Variants in SOCS1 observed in about 807,000 individuals in gnomAD.
SOCS1 encodes the protein suppressor of cytokine signaling 1.
In SOCS1, 3 loss-of-function variants were observed where a neutral mutation model predicts 9.7. The ratio of observed to expected loss-of-function variants is 0.31; its 90% CI spans 0.14 to 0.80. The LOEUF is 0.80. Ranked by LOEUF, SOCS1 falls within the 30% of genes least tolerant of loss-of-function variation. The pLI is 0.61. For synonymous variants in SOCS1, 194 were observed against 150.2 expected, an observed-to-expected ratio of 1.29 and a Z score of -2.13; for missense variants, 368 against 324.7, an observed-to-expected ratio of 1.13 and a Z score of -1.02.
chr16:11,254,724 C>G lies in SOCS1; in HGVS notation c.*119G>C, dbSNP rs568420700. The G allele has an allele frequency of 7.5e-7, 1 of 1,339,062 alleles. No homozygotes were observed. The highest frequency in any genetic ancestry group is 4.0e-5 in the Admixed American group (1 of 24,800). 82.9% of individuals were successfully genotyped at this position (1,339,062 alleles called of 1,614,324 possible). ...GCCGAGGGCGGGAGGCGCCTCGCCCCTACACCCATCCGCTCCCTCCAACCC... is the reference window on the plus strand; with the variant it reads ...GCCGAGGGCGGGAGGCGCCTCGCCCGTACACCCATCCGCTCCCTCCAACCC... On this transcript the variant is annotated 3_prime_UTR_variant, in exon 2 of 2. Transcript: ENST00000332029.
rs1597690752 is a variant in SOCS1 at position 11,254,591 on chromosome 16, G to C, written c.*252C>G. ...GTAGGAGGTGCGAGTTCAGGTCCTGGCTCCAGATACAGTTAAGCTGCTACA... is the reference window on the plus strand; with the variant it reads ...GTAGGAGGTGCGAGTTCAGGTCCTGCCTCCAGATACAGTTAAGCTGCTACA... On this transcript the variant is annotated 3_prime_UTR_variant, in exon 2 of 2. Transcript: ENST00000332029. The C allele has an allele frequency of 2.5e-6, 1 of 402,088 alleles. No homozygotes were observed. The highest frequency in any genetic ancestry group is 4.3e-6 in the Non-Finnish European group (1 of 232,886). 24.9% of individuals were successfully genotyped at this position (402,088 alleles called of 1,614,324 possible).
rs1189895660 is a variant in SOCS1 at position 11,255,194 on chromosome 16, G to A, written c.285C>T (p.Ala95=). 1 of 1,585,606 alleles carries A rather than the reference G, an allele frequency of 6.3e-7. No individual in the cohort carries two copies. Among genetic ancestry groups the A allele is most frequent in the South Asian group, 1.1e-5 (1 of 88,778 alleles). Residue 95 remains alanine (A), a synonymous_variant, in exon 2 of 2, where the codon GCC becomes GCT. Coordinates refer to ENST00000332029, the MANE Select transcript of SOCS1 (RefSeq NM_003745.2). ...GCACCAGGAAGGTGCCCACGGGCTC[G>A]GCGCGCAGCCGCTCGTGCGCCCCGT... ...SVHGAHERLR[A]EPVGTFLVRD...
Position 11,254,877 on chromosome 16 carries a change from C to A in SOCS1, c.602G>T (p.Arg201Leu). 1 of 1,491,742 alleles carries A rather than the reference C, an allele frequency of 6.7e-7. No homozygotes were observed. The highest frequency in any genetic ancestry group is 8.8e-7 in the Non-Finnish European group (1 of 1,130,362). 92.4% of individuals were successfully genotyped at this position (1,491,742 alleles called of 1,614,324 possible). ...GAAGGGGAAGGAGCTCAGGTAGTCG[C>A]GGAGGACGGGGTTGAGGGGGATGCG... Reference protein sequence around the residue: ...LARIPLNPVLRDYLSSFPFQI With the variant: ...LARIPLNPVLLDYLSSFPFQI The change falls in exon 2 of 2, where the codon CGC becomes CTC. Residue 201 changes from arginine to leucine, a missense_variant. Arg to Leu is a moderately radical substitution (Grantham distance 102). Transcript: ENST00000332029.
In SOCS1 at chr16:11,254,919, C is replaced by A; in HGVS notation, c.560G>T (p.Gly187Val). Residue 187 changes from glycine (G) to valine (V), a missense_variant, in exon 2 of 2, where the codon GGC becomes GTC. Physicochemically the swap from Gly to Val is moderately radical, Grantham distance 109. Transcript: ENST00000332029. ...GGGGATGCGAGCCAGGTTCTCGCGG[C>A]CCACGGTGGCCACGATGCGCTGGCG... ...LCRQRIVATV[G>V]RENLARIPLN... 1 of 1,486,670 alleles carries A rather than the reference C, an allele frequency of 6.7e-7. No homozygotes were observed. Among genetic ancestry groups the A allele is most frequent in the Non-Finnish European group, 8.9e-7 (1 of 1,127,440 alleles). The allele number at this position is 1,486,670 out of a possible 1,614,324, so 92.1% of individuals were successfully genotyped here.
Position 11,254,529 on chromosome 16 carries a change from T to G in SOCS1, c.*314A>C. The G allele has an allele frequency of 6.8e-6, 2 of 296,232 alleles. No homozygotes were observed. The highest frequency in any genetic ancestry group is 6.2e-6 in the Non-Finnish European group (1 of 160,184). 18.4% of individuals were successfully genotyped at this position (296,232 alleles called of 1,614,324 possible). A position where few individuals can be genotyped will look rare whatever the true frequency, so the allele number is the denominator to read the frequency against. ...CAGAGACCCTCCCCCAACCCCTGGT[T>G]TGTGCAAAGATACTGGGTATATGTA... is the stretch of plus-strand genomic sequence containing the variant. On this transcript the variant is annotated 3_prime_UTR_variant, in exon 2 of 2. Coordinates refer to ENST00000332029, the MANE Select transcript of SOCS1 (RefSeq NM_003745.2).
rs914531385 is a variant in SOCS1 at position 11,254,427 on chromosome 16, C to A, written c.*416G>T. ...AACTTATTTTTTTTTAAAAAAAAAA[C>A]TTTCATAATAAAGTTTATTACCTAA... On this transcript the variant is annotated 3_prime_UTR_variant, in exon 2 of 2. Coordinates refer to ENST00000332029, the MANE Select transcript of SOCS1 (RefSeq NM_003745.2). The A allele has an allele frequency of 1.7e-5, 4 of 229,910 alleles. No individual in the cohort carries two copies. Among genetic ancestry groups the A allele is most frequent in the Non-Finnish European group, 3.4e-5 (4 of 116,544 alleles). The allele number at this position is 229,910 out of a possible 1,614,324, so 14.2% of individuals were successfully genotyped here. A position where few individuals can be genotyped will look rare whatever the true frequency, so the allele number is the denominator to read the frequency against.
In SOCS1 at chr16:11,255,355, A is replaced by G; in HGVS notation, c.124T>C (p.Cys42Arg). 1 of 1,355,716 alleles carries G rather than the reference A, an allele frequency of 7.4e-7. No individual in the cohort carries two copies. The highest frequency in any genetic ancestry group is 9.4e-7 in the Non-Finnish European group (1 of 1,060,324). The allele number at this position is 1,355,716 out of a possible 1,614,324, so 84.0% of individuals were successfully genotyped here. A position where few individuals can be genotyped will look rare whatever the true frequency, so the allele number is the denominator to read the frequency against. The change falls in exon 2 of 2, where the codon TGC becomes CGC. Residue 42 changes from cysteine to arginine, a missense_variant. By Grantham distance (180) the Cys-to-Arg change is radical (BLOSUM62 -3). Coordinates refer to ENST00000332029, the MANE Select transcript of SOCS1 (RefSeq NM_003745.2). Reference protein sequence around the residue: ...SPAAPARPRPCPAVPAPAPGD... With the variant: ...SPAAPARPRPRPAVPAPAPGD... ...GGGGCCGGGGCCGGGACCGCGGGGC[A>G]CGGCCGCGGGCGCGCGGGGGCCGCG... is the stretch of plus-strand genomic sequence containing the variant.
rs1326410609 is a variant in SOCS1, at chr16:11,255,229, G to A, written c.250C>T (p.Leu84=). ...LDACGFYWGP[L]SVHGAHERLR... ...CGCTCGTGCGCCCCGTGCACGCTCAGGGGCCCCCAGTAGAATCCGCAGGCG... is the reference window on the plus strand; with the variant it reads ...CGCTCGTGCGCCCCGTGCACGCTCAAGGGCCCCCAGTAGAATCCGCAGGCG... Residue 84 remains leucine, a synonymous_variant, in exon 2 of 2, where the codon CTG becomes TTG. Transcript: ENST00000332029. The A allele has an allele frequency of 1.9e-6, 3 of 1,570,898 alleles. No individual in the cohort carries two copies. Among genetic ancestry groups the A allele is most frequent in the Admixed American group, 1.8e-5 (1 of 55,760 alleles).
Position 11,255,052 on chromosome 16 carries a change from T to C in SOCS1, c.427A>G (p.Ser143Gly), listed in dbSNP as rs2069579777. Residue 143 changes from serine (S) to glycine (G), a missense_variant, in exon 2 of 2, where the codon AGC becomes GGC. Ser to Gly is a moderately conservative substitution (Grantham distance 56). Transcript: ENST00000332029. ...AGCAGCTCGAAGAGGCAGTCGAAGC[T>C]CTCGCGGCTGCCATCCAGGTGAAAG... ...GRFHLDGSRE[S>G]FDCLFELLEH... 1 of 1,607,694 alleles carries C rather than the reference T, an allele frequency of 6.2e-7. No individual in the cohort carries two copies. Among genetic ancestry groups the C allele is most frequent in the South Asian group, 1.1e-5 (1 of 90,722 alleles).
At chr16:11,255,647 G>C (rs546037652) in intron 1 of SOCS1, 119 bp from the exon 2 acceptor site, 1 of 395,790 alleles carries the variant, frequency 2.5e-6, no homozygotes, top group African/African-American at 2.1e-5. Flanking sequence ...CGAGCACGGA[G>C]CACCAAGTCC....
In SOCS1 at chr16:11,255,500, A is replaced by C; in HGVS notation, c.-22T>G. On this transcript the variant is annotated 5_prime_UTR_variant, in exon 2 of 2. Transcript: ENST00000332029. ...CCATCCTACAGAAGGGGCCAGCCGG[A>C]GGGGTGGGCCATAGCGTCCGGGGGT... The C allele has an allele frequency of 8.0e-7, 1 of 1,252,584 alleles. No homozygotes were observed. Among genetic ancestry groups the C allele is most frequent in the Admixed American group, 4.2e-5 (1 of 23,770 alleles). The allele number at this position is 1,252,584 out of a possible 1,614,324, so 77.6% of individuals were successfully genotyped here.
chr16:11,255,371 G>T lies in SOCS1; in HGVS notation c.108C>A (p.Pro36=). ...SSSSSSSPAA[P]ARPRPCPAVP... ...CCGCGGGGCACGGCCGCGGGCGCGC[G>T]GGGGCCGCGGGCGAGGAGGAGGAAG... Residue 36 remains proline, a synonymous_variant, in exon 2 of 2, where the codon CCC becomes CCA. Transcript: ENST00000332029. 1 of 1,338,522 alleles carries T rather than the reference G, an allele frequency of 7.5e-7. No homozygotes were observed. The allele number at this position is 1,338,522 out of a possible 1,614,324, so 82.9% of individuals were successfully genotyped here. A position where few individuals can be genotyped will look rare whatever the true frequency, so the allele number is the denominator to read the frequency against.
chr16:11,255,542 A>G lies in SOCS1; in HGVS notation c.-50-14T>C. The G allele has an allele frequency of 9.3e-7, 1 of 1,073,256 alleles. No homozygotes were observed. The highest frequency in any genetic ancestry group is 1.2e-6 in the Non-Finnish European group (1 of 841,068). 66.5% of individuals were successfully genotyped at this position (1,073,256 alleles called of 1,614,324 possible). A position where few individuals can be genotyped will look rare whatever the true frequency, so the allele number is the denominator to read the frequency against. On this transcript the variant is annotated splice_polypyrimidine_tract_variant and intron_variant, in intron 1 of 1. Coordinates refer to ENST00000332029, the MANE Select transcript of SOCS1 (RefSeq NM_003745.2). ...TCCGGGGGTGCGCTGCGGGAGAGAC[A>G]AAGAGGTGAGCTGGGGCGCTGCGGG...
In SOCS1 at chr16:11,254,802, G is replaced by T; in HGVS notation, c.*41C>A. 4 of 1,441,752 alleles carry T rather than the reference G, an allele frequency of 2.8e-6. No homozygotes were observed. Among genetic ancestry groups the T allele is most frequent in the Non-Finnish European group, 3.6e-6 (4 of 1,101,118 alleles). The allele number at this position is 1,441,752 out of a possible 1,614,324, so 89.3% of individuals were successfully genotyped here. A position where few individuals can be genotyped will look rare whatever the true frequency, so the allele number is the denominator to read the frequency against. ...CAGGCAAGTAATAACAAAATAACACGGCATCCCAGTTAATGCTGCGTGCAC... is the reference window on the plus strand; with the variant it reads ...CAGGCAAGTAATAACAAAATAACACTGCATCCCAGTTAATGCTGCGTGCAC... On this transcript the variant is annotated 3_prime_UTR_variant, in exon 2 of 2. Transcript: ENST00000332029.
At chr16:11,255,589 C>G (rs1179779636) in intron 1 of SOCS1, 61 bp from the exon 2 acceptor site, 3 of 597,500 alleles carry the variant, frequency 5.0e-6, no homozygotes, top group Non-Finnish European at 7.3e-6. Context: ...GTGCGCCGGC[C>G]GGACAACTCC....
chr16:11,255,316 AGT>A lies in SOCS1; in HGVS notation c.161_162del (p.His54LeufsTer62). 1 of 1,482,334 alleles carries A rather than the reference AGT, an allele frequency of 6.7e-7. No homozygotes were observed. Among genetic ancestry groups the A allele is most frequent in the Non-Finnish European group, 8.9e-7 (1 of 1,120,836 alleles). 91.8% of individuals were successfully genotyped at this position (1,482,334 alleles called of 1,614,324 possible). On this transcript the variant is annotated frameshift_variant, in exon 2 of 2. Transcript: ENST00000332029. LOFTEE classifies it high-confidence loss of function. ...TCGGCGTGCGAACGGAATGTGCGGA[AGT>A]GCGTGTCGCCGGGGGCCGGGGCCGG... ...AVPAPAPGDT[H>X]FRTFRSHADY...
rs538539048 is a variant in SOCS1 at position 11,254,770 on chromosome 16, A to G, written c.*73T>C. On this transcript the variant is annotated 3_prime_UTR_variant, in exon 2 of 2. Coordinates refer to ENST00000332029, the MANE Select transcript of SOCS1 (RefSeq NM_003745.2). ...AACCCAGGCCGGGGAGGGTACCCAC[A>G]TGGTTCCAGGCAAGTAATAACAAAA... 1.7e-5 allele frequency: 24 copies of G among 1,403,346 alleles called. No individual in the cohort carries two copies. The highest frequency in any genetic ancestry group is 5.7e-5 in the East Asian group (2 of 35,332). The allele number at this position is 1,403,346 out of a possible 1,614,324, so 86.9% of individuals were successfully genotyped here. A position where few individuals can be genotyped will look rare whatever the true frequency, so the allele number is the denominator to read the frequency against.
chr16:11,255,378 G>A lies in SOCS1; in HGVS notation c.101C>T (p.Ala34Val), dbSNP rs1019392987. The A allele has an allele frequency of 4.5e-6, 6 of 1,338,758 alleles. No homozygotes were observed. The highest frequency in any genetic ancestry group is 6.1e-5 in the East Asian group (2 of 32,710). 82.9% of individuals were successfully genotyped at this position (1,338,758 alleles called of 1,614,324 possible). A position where few individuals can be genotyped will look rare whatever the true frequency, so the allele number is the denominator to read the frequency against. The change falls in exon 2 of 2, where the codon GCG (alanine) becomes GTG (valine). Residue 34 changes from alanine (A) to valine (V), a missense_variant. Physicochemically the swap from Ala to Val is moderately conservative, Grantham distance 64. Transcript: ENST00000332029. Reference protein sequence around the residue: ...EPSSSSSSSPAAPARPRPCPA... With the variant: ...EPSSSSSSSPVAPARPRPCPA... ...GCACGGCCGCGGGCGCGCGGGGGCCGCGGGCGAGGAGGAGGAAGAGGAGGA... is the reference window on the plus strand; with the variant it reads ...GCACGGCCGCGGGCGCGCGGGGGCCACGGGCGAGGAGGAGGAAGAGGAGGA...
At position 11,254,688 on chromosome 16, in the gene SOCS1, C is replaced by A; in HGVS notation, c.*155G>T. ...TCAAGAGGTGAGAAGGGGTCTGCGG[C>A]CTCGTCTCCAGCCGAGGGCGGGAGG... On this transcript the variant is annotated 3_prime_UTR_variant, in exon 2 of 2. Transcript: ENST00000332029. The A allele has an allele frequency of 9.0e-7, 1 of 1,108,848 alleles. No individual in the cohort carries two copies. Among genetic ancestry groups the A allele is most frequent in the Non-Finnish European group, 1.2e-6 (1 of 849,318 alleles). The allele number at this position is 1,108,848 out of a possible 1,614,324, so 68.7% of individuals were successfully genotyped here. A position where few individuals can be genotyped will look rare whatever the true frequency, so the allele number is the denominator to read the frequency against.
Sources: allele counts gnomAD v4.1 joint callset, GRCh38; gene constraint gnomAD v4.1.1; transcripts MANE v1.5; gene names NCBI Gene and HGNC (gene_info 2026-07-23, HGNC 2026-07-21).